The following GRAMD4 variants were observed in gnomAD, a reference collection of about 807,000 sequenced individuals.
GRAMD4 encodes the protein GRAM domain containing 4, also known as GRAM domain-containing protein 4.
In GRAMD4, 25 loss-of-function variants were observed where a neutral mutation model predicts 83.9. That is an observed-to-expected ratio of 0.30 (90% confidence interval 0.22 to 0.42). GRAMD4 has a LOEUF of 0.42. Ranked by LOEUF, GRAMD4 falls within the 10% of genes least tolerant of loss-of-function variation. GRAMD4 has a pLI of 1.00. For missense variants in GRAMD4, 593 were observed against 788.7 expected, an observed-to-expected ratio of 0.75 and a Z score of 2.97; for synonymous variants, 336 against 320.9, an observed-to-expected ratio of 1.05 and a Z score of -0.50.
At chr22:46,615,902 G>A, upstream of GRAMD4, among the ~76,000 whole-genome samples, 1 of 108,466 alleles carries the variant, frequency 9.2e-6, no homozygotes, top group Admixed American at 9.1e-5. Context: ...TCCCCTGTGC[G>A]TGTAGGTTCC....
At chr22:46,676,065 G>A (rs2082592899) in intron 17 of GRAMD4, among the ~76,000 whole-genome samples, 1 of 152,232 alleles carries the variant, frequency 6.6e-6, no homozygotes, top group South Asian at 2.1e-4. Flanking sequence ...CTTGGCCCGA[G>A]TGGTCAGGGC....
intron 1 of GRAMD4, among the ~76,000 whole-genome samples, chr22:46,604,708 G>A (rs2081348355): frequency 6.6e-6 from 1 of 152,240 alleles, no homozygotes; most frequent in African/African-American, 2.4e-5. Flanking sequence ...CCAGGTTCTG[G>A]AGCCATAACG....
rs183651340 is a variant in GRAMD4 at position 46,633,145 on chromosome 22, T to C, written c.163-4695T>C. Among the ~76,000 whole-genome samples, 643 of 152,268 alleles carry C rather than the reference T, an allele frequency of 4.2e-3. 4 individuals are homozygous for C. The highest frequency in any genetic ancestry group is 0.015 in the African/African-American group (617 of 41,556). Reference sequence around the variant, plus strand: ...ACAGGGTGGCACGGTCCAACTGTTTTCCCCAGGCCTCCCCGAAAGTATGCC... The same window carrying C: ...ACAGGGTGGCACGGTCCAACTGTTTCCCCCAGGCCTCCCCGAAAGTATGCC... On this transcript the variant is annotated intron_variant, in intron 2 of 18. Coordinates refer to ENST00000406902, the MANE Select transcript of GRAMD4 (RefSeq NM_015124.5).
Position 46,672,015 on chromosome 22 carries a change from G to A in GRAMD4, c.1085-828G>A, listed in dbSNP as rs903717118. 3.3e-5 allele frequency among the ~76,000 whole-genome samples: 5 copies of A among 152,234 alleles called. No individual in the cohort carries two copies. The highest frequency in any genetic ancestry group is 6.5e-5 in the Admixed American group (1 of 15,292). On this transcript the variant is annotated intron_variant, in intron 13 of 18. Coordinates refer to ENST00000406902, the MANE Select transcript of GRAMD4 (RefSeq NM_015124.5). The surrounding 1 kb of genome is among the most constrained non-coding windows in gnomAD (Gnocchi z 4.7). ...GGCCCCTGCAGGGAGGGCCTGCCAC[G>A]TCTGGTCTGGTCTGGCGGGCTGTGC...
Position 46,659,447 on chromosome 22 carries a change from C to T in GRAMD4, c.404+1140C>T, listed in dbSNP as rs1194553821. Among the ~76,000 whole-genome samples the T allele has an allele frequency of 2.6e-5, 4 of 152,236 alleles. No homozygotes were observed. The highest frequency in any genetic ancestry group is 4.4e-5 in the Non-Finnish European group (3 of 68,052). ...CACCTTTGTCTGTGGCCCCCATGAC[C>T]TGCATGGATGGCTGTCACCAGTTAG... On this transcript the variant is annotated intron_variant, in intron 4 of 18. Transcript: ENST00000406902. The surrounding 1 kb of genome is among the most constrained non-coding windows in gnomAD (Gnocchi z 4.1).
At chr22:46,669,897 C>T (rs902169147) in intron 13 of GRAMD4, among the ~76,000 whole-genome samples, 4 of 152,140 alleles carry the variant, frequency 2.6e-5, no homozygotes, top group Non-Finnish European at 4.4e-5. Context: ...TTTGTTTTGT[C>T]TTGTCTTGTT....
chr22:46,591,832 CAAAAA>C (rs34868206), intron 1 of GRAMD4, among the ~76,000 whole-genome samples: 1 of 37,434 alleles, frequency 2.7e-5, no homozygotes, highest in Non-Finnish European at 4.1e-5. Flanking sequence ...GACTCTGTCT[CAAAAA>C]AAAAAAAAAA....
intron 16 of GRAMD4, 33 bp from the exon 17 acceptor site, chr22:46,675,435 G>A: frequency 6.6e-7 from 1 of 1,507,110 alleles, no homozygotes; most frequent in South Asian, 1.1e-5. Context: ...TGGTTCAAGA[G>A]CCAGGCGACG....
intron 1 of GRAMD4, among the ~76,000 whole-genome samples, chr22:46,592,080 G>A (rs1373872789): frequency 2.0e-5 from 3 of 152,160 alleles, no homozygotes; most frequent in Non-Finnish European, 2.9e-5. Flanking sequence ...GTTGGTTGAT[G>A]TCACGGGAGT....
At chr22:46,682,558 T>G, downstream of GRAMD4, 1 of 357,246 alleles carries the variant, frequency 2.8e-6, no homozygotes, top group Non-Finnish European at 3.9e-6. Flanking sequence ...TGACGGCCAC[T>G]CCTGCGGTGA....
rs367563091 is a variant in GRAMD4, at chr22:46,640,137, A to G, written c.283+2177A>G. Among the ~76,000 whole-genome samples the G allele has an allele frequency of 3.3e-5, 5 of 152,248 alleles. No individual in the cohort carries two copies. The East Asian group carries it at 9.6e-4, about 29-fold the overall frequency. Reference sequence around the variant, plus strand: ...TAGCTCAGCAGACGCTAGTTAAGTCATCAACCACCAGAGGCTGCCTTATCC... The same window carrying G: ...TAGCTCAGCAGACGCTAGTTAAGTCGTCAACCACCAGAGGCTGCCTTATCC... On this transcript the variant is annotated intron_variant, in intron 3 of 18. Transcript: ENST00000406902.
chr22:46,624,243 C>CT (rs376752270), intron 1 of GRAMD4, among the ~76,000 whole-genome samples: 3,522 of 106,634 alleles, frequency 0.033, 160 homozygotes, highest in African/African-American at 0.11. Flanking sequence ...TACTTAGTGG[C>CT]TTTTTTTTTT....
At chr22:46,600,249 C>T (rs527610799) in intron 1 of GRAMD4, among the ~76,000 whole-genome samples, 74 of 152,312 alleles carry the variant, frequency 4.9e-4, no homozygotes, top group South Asian at 8.3e-4. Context: ...TGGGCCACTG[C>T]TGAGGGTCTC....
chr22:46,592,680 A>T (rs1015651921), intron 1 of GRAMD4, among the ~76,000 whole-genome samples: 2 of 152,090 alleles, frequency 1.3e-5, no homozygotes, highest in Non-Finnish European at 2.9e-5. Context: ...TGCGGCCCAC[A>T]TGTATGGTGA....
intron 1 of GRAMD4, among the ~76,000 whole-genome samples, chr22:46,577,873 C>T (rs1283444832): frequency 6.6e-6 from 1 of 152,234 alleles, no homozygotes; most frequent in Non-Finnish European, 1.5e-5. Context: ...GTAGCCCAGG[C>T]CCGTGCGCCT....
At chr22:46,590,633 CAGG>C (rs1172844636) in intron 1 of GRAMD4, among the ~76,000 whole-genome samples, 2 of 152,170 alleles carry the variant, frequency 1.3e-5, no homozygotes, top group Non-Finnish European at 2.9e-5. Flanking sequence ...TGAGTGTCAA[CAGG>C]GGAGGGAGAG....
In GRAMD4 at chr22:46,622,912, T is replaced by TAAA. The variant is rs1244826706; in HGVS notation, c.-50+2364_-50+2366dup. 1.1e-4 allele frequency among the ~76,000 whole-genome samples: 12 copies of TAAA among 110,252 alleles called. No homozygotes were observed. The highest frequency in any genetic ancestry group is 3.7e-4 in the Admixed American group (4 of 10,806). 72.3% of individuals were successfully genotyped at this position (110,252 alleles called of 152,430 possible). A position where few individuals can be genotyped will look rare whatever the true frequency, so the allele number is the denominator to read the frequency against. On this transcript the variant is annotated intron_variant, in intron 1 of 18. Transcript: ENST00000406902. This position sits in a 1 kb window ranked among gnomAD's most constrained non-coding sequence, Gnocchi z 4.0. ...GGGCGACAGAGCAAGACTCCATCTC[T>TAAA]AAAAAAAAAAAAAAAAAAACTGATG...
chr22:46,580,985 GAAA>G (rs1569242788), intron 1 of GRAMD4, among the ~76,000 whole-genome samples: 1 of 139,204 alleles, frequency 7.2e-6, no homozygotes, highest in African/African-American at 2.6e-5. Context: ...AAAAAAAAAA[GAAA>G]GAAAGAAAAA....
intron 1 of GRAMD4, among the ~76,000 whole-genome samples, chr22:46,623,212 T>G (rs2081603037): frequency 6.6e-6 from 1 of 152,086 alleles, no homozygotes; most frequent in Non-Finnish European, 1.5e-5. Flanking sequence ...CAGGACCCCC[T>G]GCCCTGCTGG....
Sources: gnomAD v4.1 joint callset for allele counts (sites outside exome capture counted in the v4.1 genomes callset) on GRCh38, gnomAD v4.1.1 for gene constraint, Gnocchi (gnomAD v3.1) non-coding constraint, MANE v1.5 for transcripts, NCBI Gene and HGNC (gene_info 2026-07-23, HGNC 2026-07-21) for gene names.